Variants in DPY19L4 observed in about 807,000 individuals in gnomAD.
The protein encoded by DPY19L4 is dpy-19 like 4, also known as probable C-mannosyltransferase DPY19L4.
A neutral mutation model predicts 102.8 loss-of-function variants in DPY19L4; 97 were observed. That is an observed-to-expected ratio of 0.94 (90% confidence interval 0.80 to 1.12). The LOEUF is 1.12. Ranked by LOEUF, DPY19L4 falls within the 50% of genes most tolerant of loss-of-function variation. The pLI is 0.00. For missense variants in DPY19L4, 815 were observed against 850.4 expected, an observed-to-expected ratio of 0.96 and a Z score of 0.52; for synonymous variants, 252 against 283.1, an observed-to-expected ratio of 0.89 and a Z score of 1.10.
intron 17 of DPY19L4, among the ~76,000 whole-genome samples, chr8:94,787,161 T>A (rs547502660): frequency 2.6e-5 from 4 of 152,306 alleles, no homozygotes; most frequent in African/African-American, 9.6e-5. Context: ...CTATCAGTAA[T>A]GTTGTTACAA....
rs1264744061 is a variant in DPY19L4, at chr8:94,729,751, AGCC to A, written c.127+3311_127+3313del. Reference sequence around the variant, plus strand: ...GAGGCTGAGGTAGGAGGATTGCTTAAGCCTGAGAAGTGGTGTTTGCAGTGAGCC... The same window carrying A: ...GAGGCTGAGGTAGGAGGATTGCTTAATGAGAAGTGGTGTTTGCAGTGAGCC... On this transcript the variant is annotated intron_variant, in intron 2 of 18. Transcript: ENST00000414645. Among the ~76,000 whole-genome samples, 461 of 151,490 alleles carry A rather than the reference AGCC, an allele frequency of 3.0e-3. 5 individuals carry two copies. The highest frequency in any genetic ancestry group is 0.011 in the African/African-American group (436 of 41,086).
At chr8:94,731,761 G>GTTTT (rs1009946569) in intron 2 of DPY19L4, among the ~76,000 whole-genome samples, 2 of 151,020 alleles carry the variant, frequency 1.3e-5, no homozygotes, top group African/African-American at 4.9e-5. Context: ...TTGTTTGTTT[G>GTTTT]TTTGTTTTGA....
chr8:94,739,747 T>C lies in DPY19L4; in HGVS notation c.568T>C (p.Trp190Arg). 1 of 1,613,020 alleles carries C rather than the reference T, an allele frequency of 6.2e-7. No individual in the cohort carries two copies. The highest frequency in any genetic ancestry group is 1.1e-5 in the South Asian group (1 of 91,026). ...TACAAGTTGGCTTATGAGTGGAACA[T>C]GGCTAGCAGGAATGCTTACTGTTGC... is the stretch of plus-strand genomic sequence containing the variant. ...FVTSWLMSGT[W>R]LAGMLTVAWF... The change falls in exon 6 of 19, where the codon TGG becomes CGG. Residue 190 changes from tryptophan (W) to arginine (R), a missense_variant. Trp to Arg is a moderately radical substitution (Grantham distance 101). Transcript: ENST00000414645.
At chr8:94,780,492 G>C (rs1167117700) in intron 15 of DPY19L4, 77 bp downstream of exon 15, 2 of 950,796 alleles carry the variant, frequency 2.1e-6, no homozygotes, top group Non-Finnish European at 2.9e-6. Flanking sequence ...TGTGTGGGTA[G>C]GAAACATGTT....
chr8:94,776,181 C>A (rs2130917597), intron 13 of DPY19L4, among the ~76,000 whole-genome samples: 1 of 151,836 alleles, frequency 6.6e-6, no homozygotes, highest in South Asian at 2.1e-4. Context: ...TACAGGCGCC[C>A]ACCACCATGC....
chr8:94,784,455 G>A (rs1271715437), intron 17 of DPY19L4, among the ~76,000 whole-genome samples: 14 of 151,718 alleles, frequency 9.2e-5, no homozygotes, highest in Admixed American at 8.5e-4. Flanking sequence ...TTGAGACAGA[G>A]TCTTGCTCTG....
chr8:94,739,522 C>T lies in DPY19L4; in HGVS notation c.453C>T (p.Ala151=), dbSNP rs1162333662. Residue 151 remains alanine (A), a synonymous_variant, in exon 5 of 19, where the codon GCC becomes GCT. Transcript: ENST00000414645. Reference sequence around the variant, plus strand: ...TTATTGCTAGCATTTTATATCAAGCCACTGGTAGCAATGTATGTATTTTTC... The same window carrying T: ...TTATTGCTAGCATTTTATATCAAGCTACTGGTAGCAATGTATGTATTTTTC... The part of the protein sequence containing the change: ...PELIASILYQ[A]TGSNEIIEPV... 1 of 1,604,998 alleles carries T rather than the reference C, an allele frequency of 6.2e-7. No homozygotes were observed. The highest frequency in any genetic ancestry group is 1.1e-5 in the South Asian group (1 of 88,728).
intron 13 of DPY19L4, among the ~76,000 whole-genome samples, chr8:94,771,137 G>A (rs1812915477): frequency 6.6e-6 from 1 of 152,004 alleles, no homozygotes; most frequent in Admixed American, 6.6e-5. Context: ...GGCTGGTCTT[G>A]AACTCCTCAC....
intron 3 of DPY19L4, among the ~76,000 whole-genome samples, chr8:94,736,205 C>G (rs920537022): frequency 2.0e-5 from 3 of 152,078 alleles, no homozygotes; most frequent in African/African-American, 7.2e-5. Context: ...GAGGGAACTG[C>G]CCTCATGACC....
chr8:94,772,476 G>A (rs1476127190), intron 13 of DPY19L4, among the ~76,000 whole-genome samples: 1 of 152,198 alleles, frequency 6.6e-6, no homozygotes, highest in African/African-American at 2.4e-5. Context: ...CATAGGACAA[G>A]GTCCAGGAGA....
chr8:94,723,911 A>G (rs764703410), intron 1 of DPY19L4, among the ~76,000 whole-genome samples: 42 of 152,112 alleles, frequency 2.8e-4, no homozygotes, highest in Non-Finnish European at 1.5e-4. Flanking sequence ...AGTTCTTGAG[A>G]GATGATTGTT....
intron 10 of DPY19L4, among the ~76,000 whole-genome samples, 164 bp downstream of exon 10, chr8:94,765,973 T>G (rs1314282630): frequency 6.6e-6 from 1 of 152,226 alleles, no homozygotes; most frequent in African/African-American, 2.4e-5. Flanking sequence ...AAAGTAGGAT[T>G]CTGATTCTTT....
Position 94,734,819 on chromosome 8 carries a change from T to C in DPY19L4, c.252+65T>C, listed in dbSNP as rs928371691. 11 of 1,602,156 alleles carry C rather than the reference T, an allele frequency of 6.9e-6. No homozygotes were observed. The East Asian group carries it at 2.5e-4, about 36-fold the overall frequency. On this transcript the variant is annotated intron_variant, in intron 3 of 18. Coordinates refer to ENST00000414645, the MANE Select transcript of DPY19L4 (RefSeq NM_181787.3). The stretch of plus-strand genomic sequence containing the variant: ...CCAGGGAACCAGAATGTATGTATGA[T>C]AAGTATGACAAGTGCTGTCTTATTT...
intron 12 of DPY19L4, among the ~76,000 whole-genome samples, chr8:94,768,837 C>A (rs138295031): frequency 1.3e-5 from 2 of 151,726 alleles, no homozygotes; most frequent in African/African-American, 4.8e-5. Context: ...ACTAAAAGTA[C>A]ATAAATTAGC....
intron 6 of DPY19L4, among the ~76,000 whole-genome samples, chr8:94,753,339 A>G (rs1430038639): frequency 1.3e-5 from 2 of 152,222 alleles, no homozygotes; most frequent in African/African-American, 2.4e-5. Context: ...AAATATTTAT[A>G]TAAGGGATAA....
At chr8:94,726,629 T>C (rs1273761236) in intron 2 of DPY19L4, among the ~76,000 whole-genome samples, 188 bp downstream of exon 2, 1 of 152,190 alleles carries the variant, frequency 6.6e-6, no homozygotes, top group Non-Finnish European at 1.5e-5. Flanking sequence ...ATATTACATG[T>C]TGTGGCTGCA....
chr8:94,752,375 G>C (rs1442452368), intron 6 of DPY19L4, among the ~76,000 whole-genome samples: 1 of 151,876 alleles, frequency 6.6e-6, no homozygotes, highest in African/African-American at 2.4e-5. Flanking sequence ...ATGAGGTTAA[G>C]AGATCGAGGA....
intron 6 of DPY19L4, among the ~76,000 whole-genome samples, chr8:94,750,116 C>A (rs1323299725): frequency 6.6e-6 from 1 of 152,102 alleles, no homozygotes; most frequent in African/African-American, 2.4e-5. Flanking sequence ...CCACCACAGC[C>A]AGCTAATTTT....
intron 2 of DPY19L4, among the ~76,000 whole-genome samples, chr8:94,729,221 A>C (rs888605389): frequency 1.3e-5 from 2 of 151,480 alleles, no homozygotes; most frequent in African/African-American, 4.9e-5. Flanking sequence ...AAATACAAAA[A>C]ATTAGCTGGG....
Sources: allele counts gnomAD v4.1 joint callset (sites outside exome capture counted in the v4.1 genomes callset), GRCh38; gene constraint gnomAD v4.1.1; transcripts MANE v1.5; gene names NCBI Gene and HGNC (gene_info 2026-07-23, HGNC 2026-07-21).